ZNF469: variants seen among roughly 807,000 people sequenced by gnomAD.
The protein encoded by ZNF469 is zinc finger protein 469.
A neutral mutation model predicts 1.0 loss-of-function variants in ZNF469; 1 was observed. The observed-to-expected ratio is 1.00, with a 90% CI of 0.35 to 4.73. ZNF469 has a LOEUF of 4.73. Among genes scored for constraint, ZNF469 ranks in the 30% most tolerant of loss-of-function variants. The pLI is 0.16. For synonymous variants in ZNF469, 2,703 were observed against 2,363.4 expected (o/e 1.14, Z -4.17); for missense variants, 6,100 against 5,356.3 (o/e 1.14, Z -4.33).
At chr16:88,170,400 C>T in the ZNF469 span, among the ~76,000 whole-genome samples, 70 of 152,316 alleles carry the variant, frequency 4.6e-4, no homozygotes, top group East Asian at 9.8e-3. The surrounding 1 kb of genome is among the most constrained non-coding windows in gnomAD (Gnocchi z 4.2). Flanking sequence ...ATTCACTGTA[C>T]AACTGAAAGT....
At chr16:88,226,865 G>T in the ZNF469 span, among the ~76,000 whole-genome samples, 2 of 152,080 alleles carry the variant, frequency 1.3e-5, no homozygotes, top group Admixed American at 6.5e-5. Context: ...AGCAAAGGGC[G>T]TGTGGGAAAT....
chr16:88,198,389 G>C, the ZNF469 span, among the ~76,000 whole-genome samples: 1 of 152,198 alleles, frequency 6.6e-6, no homozygotes, highest in African/African-American at 2.4e-5. Flanking sequence ...TCCTCCGGTG[G>C]GGGGCTGGGC....
the ZNF469 span, among the ~76,000 whole-genome samples, chr16:88,182,681 A>G: frequency 1.4e-5 from 2 of 148,132 alleles, no homozygotes; most frequent in South Asian, 4.8e-4. Context: ...ATAGCTGGAC[A>G]TAAGTCTCCA....
At chr16:88,102,791 G>A in the ZNF469 span, among the ~76,000 whole-genome samples, 6 of 152,212 alleles carry the variant, frequency 3.9e-5, no homozygotes, top group Admixed American at 6.5e-5. Context: ...CTACCAAGGC[G>A]TCCACCGCAG....
At chr16:88,365,957 T>A in the ZNF469 span, among the ~76,000 whole-genome samples, 5 of 152,198 alleles carry the variant, frequency 3.3e-5, no homozygotes, top group Admixed American at 3.3e-4. Context: ...CAGTGCCCCC[T>A]GCAGAAATCT....
chr16:88,213,558 G>A, the ZNF469 span, among the ~76,000 whole-genome samples: 1 of 152,220 alleles, frequency 6.6e-6, no homozygotes, highest in African/African-American at 2.4e-5. Flanking sequence ...GGAGAAGGAC[G>A]TGTGTGCTCA....
the ZNF469 span, among the ~76,000 whole-genome samples, chr16:88,319,371 T>C: frequency 1.3e-5 from 2 of 152,110 alleles, no homozygotes; most frequent in Non-Finnish European, 2.9e-5. Context: ...GGAGACTTTC[T>C]TGGGCGGAGC....
chr16:88,385,971 T>C (rs1221409726), intron 1 of ZNF469, among the ~76,000 whole-genome samples: 1 of 151,974 alleles, frequency 6.6e-6, no homozygotes, highest in East Asian at 1.9e-4. Context: ...GTGGAGAGGG[T>C]TCTGAGGACA....
chr16:88,307,138 T>C, the ZNF469 span, among the ~76,000 whole-genome samples: 1 of 152,248 alleles, frequency 6.6e-6, no homozygotes, highest in Non-Finnish European at 1.5e-5. Context: ...TTACTCAGCA[T>C]GATGTTTTCA....
the ZNF469 span, among the ~76,000 whole-genome samples, chr16:88,164,028 G>C: frequency 6.6e-6 from 1 of 151,838 alleles, no homozygotes; most frequent in South Asian, 2.1e-4. Context: ...TGGATGAATG[G>C]ATGGATGGAT....
chr16:88,301,080 A>G, the ZNF469 span, among the ~76,000 whole-genome samples: 1 of 152,076 alleles, frequency 6.6e-6, no homozygotes, highest in South Asian at 2.1e-4. Context: ...AAGAAAGAAA[A>G]GAAAAGAACT....
chr16:88,250,816 C>T, the ZNF469 span, among the ~76,000 whole-genome samples: 26 of 152,232 alleles, frequency 1.7e-4, no homozygotes, highest in East Asian at 9.6e-4. Context: ...AGATTTATCA[C>T]GCATCTGTTG....
In ZNF469 at chr16:88,430,796, C is replaced by T. The variant is rs562264117; in HGVS notation, c.3326C>T (p.Pro1109Leu). The change falls in exon 3 of 3, where the codon CCC (proline) becomes CTC (leucine). Residue 1109 changes from proline to leucine, a missense_variant. Transcript: ENST00000565624. The part of the protein sequence containing the change: ...EEDEQPPPRG[P>L]GFRGRRGRGE... ...GACGAGCAGCCTCCGCCGCGGGGCC[C>T]CGGCTTCAGAGGCCGGCGGGGCCGA... 80 of 1,528,004 alleles carry T rather than the reference C, an allele frequency of 5.2e-5. No individual in the cohort carries two copies. The African/African-American group carries it at 9.4e-4, about 18-fold the overall frequency. 94.7% of individuals were successfully genotyped at this position (1,528,004 alleles called of 1,614,324 possible).
At chr16:88,256,276 C>T in the ZNF469 span, among the ~76,000 whole-genome samples, 1 of 152,188 alleles carries the variant, frequency 6.6e-6, no homozygotes, top group Non-Finnish European at 1.5e-5. Flanking sequence ...TTGCCTTTTC[C>T]AGGATGTCAC....
chr16:88,229,860 A>AC, the ZNF469 span, among the ~76,000 whole-genome samples: 15 of 151,220 alleles, frequency 9.9e-5, no homozygotes, highest in African/African-American at 1.9e-4. Context: ...AACAGCAGGG[A>AC]CCCCCCAGCA....
At chr16:88,371,870 TCGTCAC>T in the ZNF469 span, among the ~76,000 whole-genome samples, 1 of 149,206 alleles carries the variant, frequency 6.7e-6, no homozygotes, top group African/African-American at 2.5e-5. Context: ...ATCACCATCA[TCGTCAC>T]CATCACCATT....
chr16:88,131,512 C>T, the ZNF469 span, among the ~76,000 whole-genome samples: 2 of 152,330 alleles, frequency 1.3e-5, no homozygotes, highest in Admixed American at 6.5e-5. Flanking sequence ...GCTGCCTTCC[C>T]GGGGGCCCAG....
chr16:88,130,240 G>T, the ZNF469 span, among the ~76,000 whole-genome samples: 122 of 152,278 alleles, frequency 8.0e-4, no homozygotes, highest in Admixed American at 7.3e-3. Flanking sequence ...AAAAGCCGGG[G>T]TCGAGGCCAT....
chr16:88,403,402 C>G (rs906514213), intron 1 of ZNF469, among the ~76,000 whole-genome samples: 2 of 152,250 alleles, frequency 1.3e-5, no homozygotes, highest in Non-Finnish European at 2.9e-5. Context: ...AACACAGGAT[C>G]TTGTTTGGAC....
Sources: allele counts gnomAD v4.1 joint callset (sites outside exome capture counted in the v4.1 genomes callset), GRCh38; gene constraint gnomAD v4.1.1; non-coding constraint Gnocchi (gnomAD v3.1); transcripts MANE v1.5; gene names NCBI Gene and HGNC (gene_info 2026-07-23, HGNC 2026-07-21).